DYNC2LI1: variants seen among roughly 807,000 people sequenced by gnomAD.
DYNC2LI1 encodes cytoplasmic dynein 2 light intermediate chain 1.
DYNC2LI1 carries 45 observed loss-of-function variants against 51.9 expected under a neutral mutation model. The ratio of observed to expected loss-of-function variants is 0.87; its 90% CI spans 0.68 to 1.11. The LOEUF (loss-of-function observed/expected upper bound fraction) is 1.11. Among genes scored for constraint, DYNC2LI1 ranks in the 50% most tolerant of loss-of-function variants. The pLI is 0.00. For missense variants in DYNC2LI1, 490 were observed against 417.4 expected (o/e 1.17, Z -1.51); for synonymous variants, 130 against 137.8 (o/e 0.94, Z 0.40).
intron 11 of DYNC2LI1, 80 bp downstream of exon 11, chr2:43,804,819 A>G: frequency 1.2e-6 from 1 of 835,360 alleles, no homozygotes; most frequent in Admixed American, 2.9e-5. Context: ...AGGGCTTATT[A>G]TGATAACTTT....
At chr2:43,805,434 A>G (rs1666215483) in intron 12 of DYNC2LI1, 188 bp downstream of exon 12, 4 of 332,684 alleles carry the variant, frequency 1.2e-5, no homozygotes, top group South Asian at 1.8e-4. Context: ...TAAAAATTTG[A>G]TATGAATAAA....
the DYNC2LI1 span, chr2:43,826,369 T>G: frequency 6.2e-7 from 1 of 1,613,738 alleles, no homozygotes; most frequent in Non-Finnish European, 8.5e-7. Flanking sequence ...CCTTTACGAG[T>G]TGAACCTCTT....
the DYNC2LI1 span, among the ~76,000 whole-genome samples, chr2:43,821,483 C>A: frequency 6.6e-6 from 1 of 152,194 alleles, no homozygotes; most frequent in Non-Finnish European, 1.5e-5. Context: ...TGAGGACACC[C>A]TCTCTGAGCA....
At position 43,805,254 on chromosome 2, in the gene DYNC2LI1, C is replaced by G. The variant is rs199741454; in HGVS notation, c.993+8C>G. 3 of 1,557,940 alleles carry G rather than the reference C, an allele frequency of 1.9e-6. No homozygotes were observed. Among genetic ancestry groups the G allele is most frequent in the African/African-American group, 2.7e-5 (2 of 73,624 alleles). On this transcript the variant is annotated splice_region_variant and intron_variant, in intron 12 of 12. Coordinates refer to ENST00000260605, the MANE Select transcript of DYNC2LI1 (RefSeq NM_016008.4). Reference sequence around the variant, plus strand: ...AGAATTCAGAAGGATCTGGTATTATCCTAAACATTTACTTAATTTCATCTG... The same window carrying G: ...AGAATTCAGAAGGATCTGGTATTATGCTAAACATTTACTTAATTTCATCTG...
In DYNC2LI1 at chr2:43,796,706, A is replaced by T. The variant is rs769658386; in HGVS notation, c.577-12A>T. ...GGTTATCTTGACTTTTTAAAATAAC[A>T]TATTTCTACAGGATTTTGAGTCTGA... On this transcript the variant is annotated splice_polypyrimidine_tract_variant and intron_variant, in intron 7 of 12. Transcript: ENST00000260605. 6.3e-7 allele frequency: 1 copy of T among 1,598,612 alleles called. No homozygotes were observed. The highest frequency in any genetic ancestry group is 1.7e-5 in the Admixed American group (1 of 59,894).
chr2:43,813,260 T>C (rs1666576538), downstream of DYNC2LI1: 2 of 1,614,054 alleles, frequency 1.2e-6, no homozygotes, highest in Non-Finnish European at 1.7e-6. Flanking sequence ...ATTGAATTCC[T>C]TGAGTGAAGG....
chr2:43,803,894 T>C (rs1300653748), intron 10 of DYNC2LI1, among the ~76,000 whole-genome samples: 1 of 152,180 alleles, frequency 6.6e-6, no homozygotes, highest in East Asian at 1.9e-4. Context: ...ATTTTTCAAA[T>C]TAAATTATAC....
chr2:43,797,434 T>A (rs1378623627), intron 8 of DYNC2LI1, among the ~76,000 whole-genome samples: 1 of 151,908 alleles, frequency 6.6e-6, no homozygotes, highest in Admixed American at 6.6e-5. Context: ...TAAATGTTGG[T>A]TATTATATCA....
At position 43,801,626 on chromosome 2, in the gene DYNC2LI1, C is replaced by G. The variant is rs1442400755; in HGVS notation, c.732-13C>G. 1 of 1,599,462 alleles carries G rather than the reference C, an allele frequency of 6.3e-7. No homozygotes were observed. The highest frequency in any genetic ancestry group is 2.2e-5 in the East Asian group (1 of 44,540). On this transcript the variant is annotated splice_polypyrimidine_tract_variant and intron_variant, in intron 9 of 12. Coordinates refer to ENST00000260605, the MANE Select transcript of DYNC2LI1 (RefSeq NM_016008.4). Reference sequence around the variant, plus strand: ...TGCTAAACTAATTTAGAATCTTTCTCTTCTCCACGTAGCAAATCAATATGT... The same window carrying G: ...TGCTAAACTAATTTAGAATCTTTCTGTTCTCCACGTAGCAAATCAATATGT...
At chr2:43,802,065 A>G (rs1344018664) in intron 10 of DYNC2LI1, among the ~76,000 whole-genome samples, 1 of 152,150 alleles carries the variant, frequency 6.6e-6, no homozygotes, top group African/African-American at 2.4e-5. Flanking sequence ...ATTCAAAGCT[A>G]CATATTACAG....
At chr2:43,818,078 G>A in the DYNC2LI1 span, among the ~76,000 whole-genome samples, 1 of 152,152 alleles carries the variant, frequency 6.6e-6, no homozygotes, top group Non-Finnish European at 1.5e-5. Flanking sequence ...AATATTTAAT[G>A]TAATTTGTTG....
At chr2:43,801,805 C>T in intron 10 of DYNC2LI1, 96 bp downstream of exon 10, 1 of 860,778 alleles carries the variant, frequency 1.2e-6, no homozygotes, top group Non-Finnish European at 1.8e-6. Context: ...ACTCCTATTT[C>T]TGGTTTCATT....
At chr2:43,794,703 C>T (rs200402219) in intron 6 of DYNC2LI1, 60 bp downstream of exon 6, 1 of 1,612,114 alleles carries the variant, frequency 6.2e-7, no homozygotes, top group Non-Finnish European at 8.5e-7. Context: ...TTAATGATAA[C>T]ATCACAAACA....
intron 3 of DYNC2LI1, 85 bp from the exon 4 acceptor site, chr2:43,787,096 G>A: frequency 9.1e-7 from 1 of 1,093,912 alleles, no homozygotes; most frequent in East Asian, 2.4e-5. Flanking sequence ...GTTTTCAAGA[G>A]GAAGGAAAAA....
chr2:43,812,319 C>CT (rs535572680), downstream of DYNC2LI1, among the ~76,000 whole-genome samples: 49 of 115,262 alleles, frequency 4.3e-4, no homozygotes, highest in East Asian at 1.4e-3. Context: ...ACTTGTAATT[C>CT]TTTTTTTTTT....
chr2:43,802,725 A>G (rs576679266), intron 10 of DYNC2LI1, among the ~76,000 whole-genome samples: 81 of 152,294 alleles, frequency 5.3e-4, no homozygotes, highest in Admixed American at 7.9e-4. Context: ...ATGAAAGCCC[A>G]TGTGAAGATG....
intron 2 of DYNC2LI1, among the ~76,000 whole-genome samples, chr2:43,778,387 C>A (rs1352377707): frequency 1.3e-5 from 2 of 152,188 alleles, no homozygotes; most frequent in South Asian, 4.1e-4. Flanking sequence ...CTCCTGGACT[C>A]AAGCAATCCA....
chr2:43,800,968 A>T (rs747150505), intron 9 of DYNC2LI1, 51 bp downstream of exon 9: 3 of 1,243,474 alleles, frequency 2.4e-6, no homozygotes, highest in African/African-American at 3.0e-5. Context: ...GATTTAGCCA[A>T]TGTTGTCTCA....
intron 5 of DYNC2LI1, among the ~76,000 whole-genome samples, chr2:43,790,173 T>G (rs1673708886): frequency 6.6e-6 from 1 of 152,168 alleles, no homozygotes; most frequent in Non-Finnish European, 1.5e-5. Flanking sequence ...AGACTATATG[T>G]CGGAGAAGAG....
Sources: gnomAD v4.1 joint callset for allele counts (sites outside exome capture counted in the v4.1 genomes callset) on GRCh38, gnomAD v4.1.1 for gene constraint, MANE v1.5 for transcripts, NCBI Gene and HGNC (gene_info 2026-07-23, HGNC 2026-07-21) for gene names.